The following PARD3 variants were observed in gnomAD, a reference collection of about 807,000 sequenced individuals.
PARD3 encodes the protein par-3 family cell polarity regulator.
In PARD3, 75 loss-of-function variants were observed where a neutral mutation model predicts 155.4. The ratio of observed to expected loss-of-function variants is 0.48; its 90% confidence interval spans 0.40 to 0.58. PARD3 has a LOEUF of 0.58. PARD3 is among the 20% of genes least tolerant of loss of function. The pLI, the probability that PARD3 is intolerant of heterozygous loss-of-function variation, is 0.00. For synonymous variants in PARD3, 576 were observed against 610.5 expected (o/e 0.94, Z 0.83); for missense variants, 1,642 against 1,721.7 (o/e 0.95, Z 0.82).
At chr10:34,458,700 T>C (rs991413165) in intron 4 of PARD3, among the ~76,000 whole-genome samples, 3 of 151,970 alleles carry the variant, frequency 2.0e-5, no homozygotes, top group African/African-American at 7.3e-5. Flanking sequence ...GAGGAGGAAA[T>C]AGATGAGGGA....
In PARD3 at chr10:34,375,053, AACACACACACAC is replaced by A. The variant is rs35263377; in HGVS notation, c.1540-63_1540-52del. ...TGTAATCCTGTGGAAACAACAGGAA[AACACACACACAC>A]ACACACACACACACACACACACACA... On this transcript the variant is annotated intron_variant, in intron 10 of 24. Coordinates refer to ENST00000374788, the MANE Select transcript of PARD3 (RefSeq NM_001184785.2). 1,277 of 783,620 alleles carry A rather than the reference AACACACACACAC, an allele frequency of 1.6e-3. 4 individuals carry two copies. The highest frequency in any genetic ancestry group is 0.012 in the African/African-American group (631 of 52,782). 48.5% of individuals were successfully genotyped at this position (783,620 alleles called of 1,614,324 possible).
chr10:34,796,042 A>G (rs150286451), intron 1 of PARD3, among the ~76,000 whole-genome samples: 1 of 152,354 alleles, frequency 6.6e-6, no homozygotes, highest in African/African-American at 2.4e-5. Context: ...CAGCTGTGAA[A>G]GCAGTATAAA....
chr10:34,140,379 G>A (rs778800308), intron 22 of PARD3, among the ~76,000 whole-genome samples: 1 of 152,142 alleles, frequency 6.6e-6, no homozygotes, highest in Non-Finnish European at 1.5e-5. Flanking sequence ...GCGTTTGCAC[G>A]TTCTCCCACG....
At chr10:34,147,791 G>C (rs1948590718) in intron 22 of PARD3, among the ~76,000 whole-genome samples, 1 of 152,048 alleles carries the variant, frequency 6.6e-6, no homozygotes, top group Non-Finnish European at 1.5e-5. Flanking sequence ...GTATTACCCA[G>C]CCAAGGTGCT....
chr10:34,450,491 C>T (rs1000193137), intron 4 of PARD3, 43 bp from the exon 5 acceptor site: 1 of 1,575,966 alleles, frequency 6.3e-7, no homozygotes, highest in East Asian at 2.2e-5. Flanking sequence ...AAAAACCAGA[C>T]CTTGCAAATC....
rs561529180 is a variant in PARD3, at chr10:34,461,277, G to A, written c.582+8808C>T. Among the ~76,000 whole-genome samples, 4 of 152,274 alleles carry A rather than the reference G, an allele frequency of 2.6e-5. No individual in the cohort carries two copies. The East Asian group carries it at 5.8e-4, about 22-fold the overall frequency. Reference sequence around the variant, plus strand: ...CAACTCAAAACAGGTAGGCTTATAAGCTGAATTATAAAAAATTAAAAATAG... The same window carrying A: ...CAACTCAAAACAGGTAGGCTTATAAACTGAATTATAAAAAATTAAAAATAG... On this transcript the variant is annotated intron_variant, in intron 4 of 24. Transcript: ENST00000374788.
chr10:34,600,472 C>G (rs563962337), intron 2 of PARD3, among the ~76,000 whole-genome samples: 2 of 151,806 alleles, frequency 1.3e-5, no homozygotes, highest in South Asian at 4.2e-4. Flanking sequence ...CAGTAATATC[C>G]AGTGTTAGGG....
intron 14 of PARD3, among the ~76,000 whole-genome samples, chr10:34,351,678 G>T (rs1178455951): frequency 1.3e-5 from 2 of 152,202 alleles, no homozygotes; most frequent in Non-Finnish European, 2.9e-5. Flanking sequence ...GGCAGAACCA[G>T]AATTTCTCCG....
At chr10:34,152,082 G>C (rs1282827116) in intron 22 of PARD3, among the ~76,000 whole-genome samples, 4 of 152,122 alleles carry the variant, frequency 2.6e-5, no homozygotes, top group Non-Finnish European at 5.9e-5. Context: ...TCTTGAAGAG[G>C]AAGAAGGATG....
chr10:34,370,259 T>C (rs1424887471), intron 12 of PARD3, among the ~76,000 whole-genome samples: 1 of 152,198 alleles, frequency 6.6e-6, no homozygotes, highest in Non-Finnish European at 1.5e-5. Context: ...GACTTCCTTT[T>C]TTAAGGTGAC....
intron 1 of PARD3, among the ~76,000 whole-genome samples, chr10:34,752,387 G>C (rs1836158578): frequency 6.6e-6 from 1 of 151,992 alleles, no homozygotes; most frequent in South Asian, 2.1e-4. Context: ...ACTTATTCAA[G>C]TCAGCATGTC....
At chr10:34,562,140 A>C (rs2085536923) in intron 2 of PARD3, among the ~76,000 whole-genome samples, 1 of 149,088 alleles carries the variant, frequency 6.7e-6, no homozygotes, top group African/African-American at 2.5e-5. Flanking sequence ...AAAAAAAAAA[A>C]AAAAAAAAAA....
chr10:34,481,065 G>A (rs2079055413), intron 3 of PARD3, among the ~76,000 whole-genome samples: 1 of 152,116 alleles, frequency 6.6e-6, no homozygotes, highest in Admixed American at 6.5e-5. Flanking sequence ...GCCTCCCAAA[G>A]TGCTGGGGTT....
chr10:34,363,450 T>C (rs1225680391), intron 12 of PARD3, among the ~76,000 whole-genome samples: 5 of 152,252 alleles, frequency 3.3e-5, no homozygotes, highest in African/African-American at 1.2e-4. Context: ...TATTCCACTA[T>C]TAATCCATTT....
chr10:34,150,981 A>C (rs973978357), intron 22 of PARD3, among the ~76,000 whole-genome samples: 3 of 152,172 alleles, frequency 2.0e-5, no homozygotes, highest in Admixed American at 1.3e-4. Flanking sequence ...AGAGGGAAAG[A>C]AATTGTATCC....
At chr10:34,432,504 A>C (rs930062615) in intron 5 of PARD3, among the ~76,000 whole-genome samples, 1 of 152,062 alleles carries the variant, frequency 6.6e-6, no homozygotes, top group Non-Finnish European at 1.5e-5. Context: ...CAAGAAAAGA[A>C]TGGCCAATCA....
In PARD3 at chr10:34,385,196, T is replaced by G. The variant is rs377760696; in HGVS notation, c.891-942A>C. ...TCGTCCAGGCTGTAGTGCAATAGCA[T>G]GATCTTGGTTCATTGCAACCTCCAC... On this transcript the variant is annotated intron_variant, in intron 7 of 24. Transcript: ENST00000374788. Among the ~76,000 whole-genome samples the G allele has an allele frequency of 2.0e-5, 3 of 152,210 alleles. No individual in the cohort carries two copies. In the East Asian group the frequency reaches 5.8e-4, roughly 29 times the overall value.
At chr10:34,522,262 G>C (rs1229112081) in intron 2 of PARD3, among the ~76,000 whole-genome samples, 1 of 152,140 alleles carries the variant, frequency 6.6e-6, no homozygotes, top group Admixed American at 6.6e-5. Context: ...GACAAACAAA[G>C]GGAGTCATGA....
intron 2 of PARD3, among the ~76,000 whole-genome samples, chr10:34,573,723 A>G (rs994259111): frequency 3.5e-5 from 4 of 115,724 alleles, no homozygotes; most frequent in Middle Eastern, 3.9e-3. Context: ...AAACAAACAA[A>G]CAAACAAACA....
Sources: allele counts gnomAD v4.1 joint callset (sites outside exome capture counted in the v4.1 genomes callset), GRCh38; gene constraint gnomAD v4.1.1; transcripts MANE v1.5; gene names NCBI Gene and HGNC (gene_info 2026-07-23, HGNC 2026-07-21).